XRCC5: variants seen among roughly 807,000 people sequenced by gnomAD.
XRCC5 encodes X-ray repair cross complementing 5.
Under a neutral mutation model 95.7 loss-of-function variants are expected in XRCC5, and 12 were observed. The observed-to-expected ratio is 0.13, with a 90% CI of 0.08 to 0.20. The LOEUF is 0.20. Ranked by LOEUF, XRCC5 falls within the 10% of genes least tolerant of loss-of-function variation. The pLI is 1.00. For synonymous variants in XRCC5, 281 were observed against 290.3 expected (o/e 0.97, Z 0.33); for missense variants, 595 against 873.9 (o/e 0.68, Z 4.02).
intron 14 of XRCC5, among the ~76,000 whole-genome samples, chr2:216,151,047 G>A (rs1405657257): frequency 6.6e-6 from 1 of 152,120 alleles, no homozygotes; most frequent in Non-Finnish European, 1.5e-5. Flanking sequence ...TCATTCCGTG[G>A]CCCAGGAATG....
intron 16 of XRCC5, among the ~76,000 whole-genome samples, chr2:216,164,165 A>T (rs1182246847): frequency 6.6e-6 from 1 of 152,124 alleles, no homozygotes; most frequent in African/African-American, 2.4e-5. Flanking sequence ...AAGTCAATGA[A>T]CTCTTGTCTA....
chr2:216,141,089 C>G lies in XRCC5; in HGVS notation c.1343-97C>G, dbSNP rs1161019932. ...CTTTGGCAGGGCCAGGACTGTATAA[C>G]CTGCCAATATTGCCGTGGATATCTC... On this transcript the variant is annotated intron_variant, in intron 12 of 20. Coordinates refer to ENST00000392132, the MANE Select transcript of XRCC5 (RefSeq NM_021141.4). 5 of 1,465,626 alleles carry G rather than the reference C, an allele frequency of 3.4e-6. No individual in the cohort carries two copies. In the African/African-American group the frequency reaches 4.2e-5, roughly 12 times the overall value. The allele number at this position is 1,465,626 out of a possible 1,614,324, so 90.8% of individuals were successfully genotyped here. A position where few individuals can be genotyped will look rare whatever the true frequency, so the allele number is the denominator to read the frequency against.
chr2:216,150,375 T>C (rs1053553623), intron 14 of XRCC5, among the ~76,000 whole-genome samples: 1 of 152,178 alleles, frequency 6.6e-6, no homozygotes, highest in African/African-American at 2.4e-5. Context: ...ACAAAGATAT[T>C]AAAGCACTTT....
intron 16 of XRCC5, among the ~76,000 whole-genome samples, chr2:216,174,557 C>T (rs1057266202): frequency 1.3e-5 from 2 of 152,122 alleles, no homozygotes; most frequent in African/African-American, 4.8e-5. Context: ...CCTGTTATCA[C>T]TACCACAATT....
At chr2:216,162,396 T>C (rs2106028005) in intron 16 of XRCC5, among the ~76,000 whole-genome samples, 1 of 141,800 alleles carries the variant, frequency 7.1e-6, no homozygotes, top group Middle Eastern at 3.8e-3. Context: ...TTTATTTTCT[T>C]CCTTTTTTTT....
chr2:216,193,199 A>G (rs1313509186), intron 18 of XRCC5, among the ~76,000 whole-genome samples: 1 of 152,180 alleles, frequency 6.6e-6, no homozygotes, highest in Non-Finnish European at 1.5e-5. Context: ...TTCATGTACC[A>G]AAACCATTCA....
At chr2:216,124,998 TA>T in intron 6 of XRCC5, among the ~76,000 whole-genome samples, 1 of 152,346 alleles carries the variant, frequency 6.6e-6, no homozygotes, top group Non-Finnish European at 1.5e-5. Flanking sequence ...TAACGTGCTT[TA>T]CCTTGAGACT....
chr2:216,195,265 G>A (rs1046055741), intron 19 of XRCC5, among the ~76,000 whole-genome samples: 2 of 151,998 alleles, frequency 1.3e-5, no homozygotes, highest in African/African-American at 2.4e-5. Context: ...ACTTAGCCTC[G>A]GCCCTGGTAA....
chr2:216,147,144 T>C (rs904997308), intron 13 of XRCC5, among the ~76,000 whole-genome samples: 1 of 151,870 alleles, frequency 6.6e-6, no homozygotes, highest in Non-Finnish European at 1.5e-5. Context: ...TCTGCGGAGA[T>C]AGTATTTCAG....
Position 216,187,861 on chromosome 2 carries a change from T to TCTCTCTCCCCC in XRCC5, c.1835-2363_1835-2362insTCTCTCCCCCC, listed in dbSNP as rs143232624. ...CTCTCTCTCTCTCTCTCTCTCTCTC[T>TCTCTCTCCCCC]CCCCGTCTCCCTGTCTCTCCCTCTC... On this transcript the variant is annotated intron_variant, in intron 16 of 20. Coordinates refer to ENST00000392132, the MANE Select transcript of XRCC5 (RefSeq NM_021141.4). Among the ~76,000 whole-genome samples, 55 of 116,248 alleles carry TCTCTCTCCCCC rather than the reference T, an allele frequency of 4.7e-4. 2 individuals are homozygous for TCTCTCTCCCCC. The highest frequency in any genetic ancestry group is 2.2e-3 in the African/African-American group (52 of 23,884). 76.3% of individuals were successfully genotyped at this position (116,248 alleles called of 152,430 possible).
chr2:216,113,280 C>T (rs1696626372), intron 2 of XRCC5, 151 bp downstream of exon 2: 1 of 603,378 alleles, frequency 1.7e-6, no homozygotes, highest in Non-Finnish European at 2.9e-6. Flanking sequence ...TCACATACAA[C>T]TTCACCTACC....
chr2:216,132,789 C>G (rs999607652), intron 10 of XRCC5, among the ~76,000 whole-genome samples: 1 of 152,142 alleles, frequency 6.6e-6, no homozygotes, highest in Admixed American at 6.5e-5. Flanking sequence ...GGTACTCTTC[C>G]TGCCTCCCCA....
intron 16 of XRCC5, among the ~76,000 whole-genome samples, chr2:216,189,036 T>G (rs977834021): frequency 3.3e-5 from 5 of 152,242 alleles, no homozygotes; most frequent in Non-Finnish European, 7.3e-5. Flanking sequence ...TTTTTAATCC[T>G]TTCCACATGC....
chr2:216,187,798 C>T (rs1219240119), intron 16 of XRCC5, among the ~76,000 whole-genome samples: 5 of 98,830 alleles, frequency 5.1e-5, no homozygotes, highest in Admixed American at 4.7e-4. Flanking sequence ...CACACACACA[C>T]ACACACACAC....
At chr2:216,119,302 A>G in intron 5 of XRCC5, 137 bp downstream of exon 5, 1 of 876,726 alleles carries the variant, frequency 1.1e-6, no homozygotes, top group South Asian at 1.8e-5. Flanking sequence ...ATGACTGACT[A>G]CTCAGCAAAC....
intron 16 of XRCC5, among the ~76,000 whole-genome samples, chr2:216,188,137 G>A (rs1338627581): frequency 5.9e-5 from 9 of 152,066 alleles, no homozygotes; most frequent in African/African-American, 2.2e-4. Context: ...CACAGCTTGT[G>A]CTTTCTTCTT....
chr2:216,122,293 C>T (rs753396756), intron 6 of XRCC5, 40 bp downstream of exon 6: 10 of 1,553,334 alleles, frequency 6.4e-6, no homozygotes, highest in Non-Finnish European at 8.7e-6. Context: ...TTAATTGTAC[C>T]CACGTAAATT....
intron 19 of XRCC5, among the ~76,000 whole-genome samples, chr2:216,195,699 A>T (rs969222682): frequency 5.9e-5 from 9 of 152,182 alleles, no homozygotes; most frequent in Admixed American, 3.3e-4. Flanking sequence ...TGATTCAGCC[A>T]TGAGTCAGAT....
intron 14 of XRCC5, among the ~76,000 whole-genome samples, chr2:216,157,599 G>A (rs1688871445): frequency 2.0e-5 from 3 of 152,114 alleles, no homozygotes; most frequent in Admixed American, 2.0e-4. Flanking sequence ...TTGTCTATAT[G>A]TATACTTCAA....
Sources: allele counts gnomAD v4.1 joint callset (sites outside exome capture counted in the v4.1 genomes callset), GRCh38; gene constraint gnomAD v4.1.1; transcripts MANE v1.5; gene names NCBI Gene and HGNC (gene_info 2026-07-23, HGNC 2026-07-21).